CENPP: variants seen among roughly 807,000 people sequenced by gnomAD.
The protein encoded by CENPP is centromere protein P.
Under a neutral mutation model 35.6 loss-of-function variants are expected in CENPP, and 24 were observed. The observed-to-expected ratio is 0.67, with a 90% CI of 0.49 to 0.95. The LOEUF (loss-of-function observed/expected upper bound fraction) is 0.95, where lower values mean the gene tolerates loss of function less well. Ranked by LOEUF, CENPP falls within the 40% of genes least tolerant of loss-of-function variation. CENPP has a pLI of 0.00. For missense variants in CENPP, 332 were observed against 345.3 expected (o/e 0.96, Z 0.31); for synonymous variants, 120 against 125.5 (o/e 0.96, Z 0.29).
At chr9:92,492,057 G>A (rs1020991212) in intron 5 of CENPP, among the ~76,000 whole-genome samples, 11 of 152,108 alleles carry the variant, frequency 7.2e-5, no homozygotes, top group African/African-American at 2.2e-4. Flanking sequence ...TCTGAACTAC[G>A]TGTATGTGTT....
chr9:92,598,902 G>A (rs968097949), intron 5 of CENPP, among the ~76,000 whole-genome samples: 7 of 151,992 alleles, frequency 4.6e-5, no homozygotes, highest in Non-Finnish European at 8.8e-5. Flanking sequence ...GAGCTCAGGA[G>A]TTCGAGATCA....
intron 5 of CENPP, among the ~76,000 whole-genome samples, chr9:92,501,952 T>C (rs573976857): frequency 2.0e-5 from 3 of 152,262 alleles, no homozygotes; most frequent in Non-Finnish European, 2.9e-5. Flanking sequence ...AGGCCAAGCA[T>C]TCTTCAGTCT....
intron 5 of CENPP, among the ~76,000 whole-genome samples, chr9:92,490,851 T>G (rs1471455034): frequency 6.6e-6 from 1 of 152,228 alleles, no homozygotes; most frequent in Non-Finnish European, 1.5e-5. Context: ...TTTGTGACCC[T>G]GTATAAATCT....
In CENPP at chr9:92,351,253, G is replaced by A. The variant is rs182628047; in HGVS notation, c.467+5466G>A. On this transcript the variant is annotated intron_variant, in intron 4 of 7. Transcript: ENST00000375587. Reference sequence around the variant, plus strand: ...CGCCTATAATCCCAGCACTTTGGGAGGCTGAGGCGGGTGGATCATGAGGTC... The same window carrying A: ...CGCCTATAATCCCAGCACTTTGGGAAGCTGAGGCGGGTGGATCATGAGGTC... 3.9e-5 allele frequency among the ~76,000 whole-genome samples: 6 copies of A among 152,242 alleles called. No individual in the cohort carries two copies. The East Asian group carries it at 1.2e-3, about 29-fold the overall frequency.
intron 5 of CENPP, chr9:92,516,713 T>G (rs1243344240): frequency 6.6e-6 from 1 of 152,256 alleles, no homozygotes; most frequent in Non-Finnish European, 1.5e-5. Context: ...TTGTGACTCT[T>G]ACTTTGTAAA....
At chr9:92,595,274 C>G (rs1236854970) in intron 5 of CENPP, among the ~76,000 whole-genome samples, 1 of 152,164 alleles carries the variant, frequency 6.6e-6, no homozygotes, top group Non-Finnish European at 1.5e-5. Flanking sequence ...TAAGATCTCA[C>G]TCTCTCATCC....
chr9:92,516,312 C>T (rs1847718069), intron 5 of CENPP, among the ~76,000 whole-genome samples: 1 of 152,182 alleles, frequency 6.6e-6, no homozygotes, highest in African/African-American at 2.4e-5. Context: ...ATCCTCCCGC[C>T]TCAGCCTCCC....
At position 92,563,755 on chromosome 9, in the gene CENPP, T is replaced by TC. The variant is rs1195143201; in HGVS notation, c.565-47554dup. Reference sequence around the variant, plus strand: ...TCTTTGGCTGGTTCCTCATCCTCCCTCCCCCTCTTCCTCCCCCCTCCCTAC... The same window carrying TC: ...TCTTTGGCTGGTTCCTCATCCTCCCTCCCCCCTCTTCCTCCCCCCTCCCTAC... On this transcript the variant is annotated intron_variant, in intron 5 of 7. Coordinates refer to ENST00000375587, the MANE Select transcript of CENPP (RefSeq NM_001012267.3). 6.0e-5 allele frequency among the ~76,000 whole-genome samples: 9 copies of TC among 149,522 alleles called. No individual in the cohort carries two copies. In the East Asian group the frequency reaches 1.6e-3, roughly 27 times the overall value.
intron 5 of CENPP, among the ~76,000 whole-genome samples, chr9:92,413,395 A>C (rs553686122): frequency 6.6e-6 from 1 of 152,284 alleles, no homozygotes; most frequent in Middle Eastern, 3.4e-3. Flanking sequence ...ACATCTTGCC[A>C]ACACTTGTTA....
intron 3 of CENPP, among the ~76,000 whole-genome samples, chr9:92,338,072 G>A (rs1326869371): frequency 2.0e-5 from 3 of 152,184 alleles, no homozygotes; most frequent in Admixed American, 1.3e-4. Flanking sequence ...AGCATTTTGC[G>A]GGGCCAAGGC....
intron 5 of CENPP, chr9:92,383,897 C>G (rs1459045829): frequency 6.6e-6 from 1 of 151,904 alleles, no homozygotes; most frequent in East Asian, 1.9e-4. Context: ...TTTCTGAAAA[C>G]TAGAAAGATG....
At chr9:92,416,783 A>C in intron 5 of CENPP, 1 of 1,613,856 alleles carries the variant, frequency 6.2e-7, no homozygotes, top group Non-Finnish European at 8.5e-7. Context: ...TAGAGTATGA[A>C]GTTTTGGAAG....
chr9:92,442,496 G>A (rs1844435460), intron 5 of CENPP, among the ~76,000 whole-genome samples: 1 of 151,294 alleles, frequency 6.6e-6, no homozygotes, highest in South Asian at 2.1e-4. Flanking sequence ...AAAAAGCCCA[G>A]TGTGATTCAT....
chr9:92,549,581 AG>A (rs1849542056), intron 5 of CENPP, among the ~76,000 whole-genome samples: 1 of 151,084 alleles, frequency 6.6e-6, no homozygotes, highest in Non-Finnish European at 1.5e-5. Context: ...TGGGAGGCAA[AG>A]GTTACAGTGA....
At chr9:92,332,699 T>C (rs1259227624) in intron 2 of CENPP, among the ~76,000 whole-genome samples, 2 of 151,992 alleles carry the variant, frequency 1.3e-5, no homozygotes, top group Admixed American at 6.6e-5. Context: ...TCTAAGCTAC[T>C]TGGGAAGCTG....
chr9:92,359,331 C>T (rs983851228), intron 4 of CENPP, among the ~76,000 whole-genome samples: 13 of 152,188 alleles, frequency 8.5e-5, no homozygotes, highest in Non-Finnish European at 1.6e-4. Flanking sequence ...AATGTGGTAA[C>T]CCCCAAAGTC....
At chr9:92,483,128 T>A (rs1845965067) in intron 5 of CENPP, among the ~76,000 whole-genome samples, 1 of 152,164 alleles carries the variant, frequency 6.6e-6, no homozygotes, top group Admixed American at 6.5e-5. Flanking sequence ...GCAGGGAAGA[T>A]GCTATTTCCT....
intron 4 of CENPP, among the ~76,000 whole-genome samples, chr9:92,378,466 G>A (rs1344582598): frequency 4.6e-5 from 7 of 152,162 alleles, no homozygotes; most frequent in African/African-American, 9.7e-5. Flanking sequence ...AAATCCTAAG[G>A]AATTCTTTTC....
At chr9:92,599,239 A>G (rs1850850722) in intron 5 of CENPP, among the ~76,000 whole-genome samples, 1 of 152,138 alleles carries the variant, frequency 6.6e-6, no homozygotes, top group African/African-American at 2.4e-5. Context: ...CCAGGCCCTG[A>G]AAGGAGCCCA....
Sources: gnomAD v4.1 joint callset for allele counts (sites outside exome capture counted in the v4.1 genomes callset) on GRCh38, gnomAD v4.1.1 for gene constraint, MANE v1.5 for transcripts, NCBI Gene and HGNC (gene_info 2026-07-23, HGNC 2026-07-21) for gene names.